GALNT3: variants seen among roughly 807,000 people sequenced by gnomAD.
The protein encoded by GALNT3 is GalNAc transferase 3.
A neutral mutation model predicts 69.8 loss-of-function variants in GALNT3; 51 were observed. The observed-to-expected ratio is 0.73, with a 90% CI of 0.58 to 0.92. The LOEUF is 0.92. Among genes scored for constraint, GALNT3 ranks in the 40% least tolerant of loss-of-function variants. The pLI, the probability that GALNT3 is intolerant of heterozygous loss-of-function variation, is 0.00. For synonymous variants in GALNT3, 265 were observed against 248.5 expected, an observed-to-expected ratio of 1.07 and a Z score of -0.63; for missense variants, 711 against 760.0, an observed-to-expected ratio of 0.94 and a Z score of 0.76.
At chr2:165,791,073 T>C (rs183698474) in intron 1 of GALNT3, among the ~76,000 whole-genome samples, 2 of 152,252 alleles carry the variant, frequency 1.3e-5, no homozygotes, top group Admixed American at 6.5e-5. Flanking sequence ...TACAGCATGA[T>C]GAGAACCCAT....
At chr2:165,753,168 A>G (rs1434902427) in intron 9 of GALNT3, among the ~76,000 whole-genome samples, 1 of 152,200 alleles carries the variant, frequency 6.6e-6, no homozygotes, top group Non-Finnish European at 1.5e-5. Flanking sequence ...ATGGACCAGG[A>G]GATAAACTGG....
intron 9 of GALNT3, 71 bp downstream of exon 9, chr2:165,754,556 G>GA: frequency 2.6e-6 from 3 of 1,144,470 alleles, no homozygotes; most frequent in Non-Finnish European, 3.9e-6. Context: ...TGGGACTTCT[G>GA]AAAAATAGGC....
chr2:165,794,009 G>C lies in GALNT3; in HGVS notation c.-109+6C>G, dbSNP rs979105156. The C allele has an allele frequency of 2.0e-5, 3 of 152,388 alleles. No homozygotes were observed. The highest frequency in any genetic ancestry group is 7.2e-5 in the African/African-American group (3 of 41,468). 9.4% of individuals were successfully genotyped at this position (152,388 alleles called of 1,614,324 possible). A position where few individuals can be genotyped will look rare whatever the true frequency, so the allele number is the denominator to read the frequency against. ...CCGCGTCTCCCTCCGCCTGCCGCCG[G>C]CTTACCTGGCGGGTGGGCAGGGCAG... On this transcript the variant is annotated splice_donor_region_variant and intron_variant, in intron 1 of 10. Coordinates refer to ENST00000392701, the MANE Select transcript of GALNT3 (RefSeq NM_004482.4).
intron 2 of GALNT3, among the ~76,000 whole-genome samples, chr2:165,769,197 G>A (rs1688703053): frequency 6.8e-6 from 1 of 146,228 alleles, no homozygotes; most frequent in African/African-American, 2.5e-5. Context: ...CTTGAGGTCA[G>A]GAGTTCGAGA....
At chr2:165,789,249 T>A (rs1015299959) in intron 1 of GALNT3, among the ~76,000 whole-genome samples, 2 of 152,254 alleles carry the variant, frequency 1.3e-5, no homozygotes, top group East Asian at 3.9e-4. Context: ...CGAGGGCACA[T>A]CCCTCATAGA....
intron 10 of GALNT3, among the ~76,000 whole-genome samples, chr2:165,749,483 CTAATAT>C (rs1043265490): frequency 1.2e-4 from 18 of 152,186 alleles, no homozygotes; most frequent in African/African-American, 4.3e-4. Flanking sequence ...AAACAAGCGA[CTAATAT>C]TAATAATTCA....
At chr2:165,780,627 A>C (rs1035648509) in intron 1 of GALNT3, among the ~76,000 whole-genome samples, 1 of 151,412 alleles carries the variant, frequency 6.6e-6, no homozygotes, top group Non-Finnish European at 1.5e-5. Context: ...TCATCTGCAA[A>C]TCAGGTTTGA....
At chr2:165,767,001 T>C (rs1445501716) in intron 2 of GALNT3, among the ~76,000 whole-genome samples, 1 of 152,184 alleles carries the variant, frequency 6.6e-6, no homozygotes, top group Non-Finnish European at 1.5e-5. Flanking sequence ...CAAAGCATGA[T>C]ACAGGTGCAT....
chr2:165,789,736 G>C (rs1352446386), intron 1 of GALNT3, among the ~76,000 whole-genome samples: 1 of 151,728 alleles, frequency 6.6e-6, no homozygotes, highest in South Asian at 2.1e-4. Context: ...TTTTTTGGAT[G>C]TTAGAAAGGT....
chr2:165,768,136 C>T (rs779822236), intron 2 of GALNT3, among the ~76,000 whole-genome samples: 9 of 152,096 alleles, frequency 5.9e-5, no homozygotes, highest in South Asian at 2.1e-4. Flanking sequence ...GAGGCCAAGG[C>T]GGGCAGATCA....
intron 6 of GALNT3, among the ~76,000 whole-genome samples, chr2:165,757,809 C>CA (rs34964970): frequency 2.6e-5 from 4 of 151,706 alleles, no homozygotes; most frequent in African/African-American, 4.8e-5. Context: ...GAGAAAACGT[C>CA]AAAAAAAATC....
chr2:165,759,125 A>G (rs1573999337), intron 5 of GALNT3, among the ~76,000 whole-genome samples: 1 of 152,310 alleles, frequency 6.6e-6, no homozygotes, highest in Admixed American at 6.5e-5. Flanking sequence ...TTGATGAGGA[A>G]GACATAAGAG....
chr2:165,786,110 G>A (rs191794963), intron 1 of GALNT3, among the ~76,000 whole-genome samples: 1 of 152,224 alleles, frequency 6.6e-6, no homozygotes, highest in African/African-American at 2.4e-5. Context: ...CAAGGAGGGA[G>A]AGTAGAGGTG....
intron 4 of GALNT3, among the ~76,000 whole-genome samples, chr2:165,761,037 T>C (rs1688535625): frequency 6.6e-6 from 1 of 152,000 alleles, no homozygotes. Context: ...ATAAAAAGTA[T>C]ATATATAAAC....
intron 1 of GALNT3, among the ~76,000 whole-genome samples, chr2:165,782,927 G>T (rs1431357794): frequency 1.3e-5 from 2 of 152,142 alleles, no homozygotes; most frequent in African/African-American, 4.8e-5. Flanking sequence ...ATGAAGGGAT[G>T]CTATAGTACT....
chr2:165,774,616 A>C (rs1044195630), intron 1 of GALNT3, among the ~76,000 whole-genome samples: 1 of 152,166 alleles, frequency 6.6e-6, no homozygotes, highest in Non-Finnish European at 1.5e-5. Context: ...AGTAGGTTTT[A>C]GTTTGGGATG....
Position 165,749,292 on chromosome 2 carries a change from G to A in GALNT3, c.1780-389C>T, listed in dbSNP as rs530860531. ...TATGATACAGCTAAGCCTTAAACAT[G>A]TTTAAAAACAGAAGAGACCTGTTAT... On this transcript the variant is annotated intron_variant, in intron 10 of 10. Coordinates refer to ENST00000392701, the MANE Select transcript of GALNT3 (RefSeq NM_004482.4). 1.2e-4 allele frequency among the ~76,000 whole-genome samples: 18 copies of A among 152,194 alleles called. No individual in the cohort carries two copies. In the South Asian group the frequency reaches 3.5e-3, roughly 30 times the overall value.
At chr2:165,751,100 T>C (rs758129467) in intron 9 of GALNT3, among the ~76,000 whole-genome samples, 8 of 152,004 alleles carry the variant, frequency 5.3e-5, no homozygotes, top group Non-Finnish European at 1.0e-4. Flanking sequence ...AGGCAATTTA[T>C]CGAGTCATAA....
At chr2:165,752,471 A>G (rs757852807) in intron 9 of GALNT3, among the ~76,000 whole-genome samples, 9 of 152,202 alleles carry the variant, frequency 5.9e-5, no homozygotes, top group African/African-American at 1.4e-4. Flanking sequence ...CAGTCAGTAC[A>G]AGCTACTTTA....
Sources: gnomAD v4.1 joint callset for allele counts (sites outside exome capture counted in the v4.1 genomes callset) on GRCh38, gnomAD v4.1.1 for gene constraint, MANE v1.5 for transcripts, NCBI Gene and HGNC (gene_info 2026-07-23, HGNC 2026-07-21) for gene names.